Variants in COL5A2 observed in about 807,000 individuals in gnomAD.
COL5A2 encodes collagen type V alpha 2 chain, also known as collagen alpha-2(V) chain.
Under a neutral mutation model 208.2 loss-of-function variants are expected in COL5A2, and 23 were observed. The observed-to-expected ratio is 0.11, with a 90% confidence interval of 0.08 to 0.16. The LOEUF (loss-of-function observed/expected upper bound fraction) is 0.16, where lower values mean the gene tolerates loss of function less well. Among genes scored for constraint, COL5A2 ranks in the 10% least tolerant of loss-of-function variants. The pLI, the probability that COL5A2 is intolerant of heterozygous loss-of-function variation, is 1.00. For synonymous variants in COL5A2, 625 were observed against 628.5 expected (o/e 0.99, Z 0.08); for missense variants, 1,590 against 1,956.4 (o/e 0.81, Z 3.53).
At chr2:189,115,404 G>A (rs1481409938) in intron 1 of COL5A2, among the ~76,000 whole-genome samples, 10 of 143,880 alleles carry the variant, frequency 7.0e-5, no homozygotes, top group Non-Finnish European at 1.4e-4. Flanking sequence ...TACACCTGTG[G>A]GGGAAAAAAA....
At chr2:189,366,632 C>T in the COL5A2 span, among the ~76,000 whole-genome samples, 1 of 151,734 alleles carries the variant, frequency 6.6e-6, no homozygotes, top group African/African-American at 2.4e-5. Context: ...TGTGGGTGTG[C>T]TTGTGGGTGT....
At chr2:189,046,633 C>T (rs1046774017) in intron 45 of COL5A2, among the ~76,000 whole-genome samples, 2 of 152,016 alleles carry the variant, frequency 1.3e-5, no homozygotes, top group East Asian at 1.9e-4. Context: ...GTGAGATAAG[C>T]GTTATATGAA....
At position 189,068,995 on chromosome 2, in the gene COL5A2, G is replaced by T. The variant is rs952532523; in HGVS notation, c.1159-111C>A. The T allele has an allele frequency of 1.1e-5, 9 of 785,406 alleles. No homozygotes were observed. In the African/African-American group the frequency reaches 1.5e-4, roughly 13 times the overall value. The allele number at this position is 785,406 out of a possible 1,614,324, so 48.7% of individuals were successfully genotyped here. On this transcript the variant is annotated intron_variant, in intron 18 of 53. Coordinates refer to ENST00000374866, the MANE Select transcript of COL5A2 (RefSeq NM_000393.5). The stretch of plus-strand genomic sequence containing the variant: ...ATTTGAAACCCAAATACTGAAAGAG[G>T]CCAAAGAGGATTACAAGAGATGCGT...
At chr2:189,369,508 C>T in the COL5A2 span, among the ~76,000 whole-genome samples, 1 of 151,968 alleles carries the variant, frequency 6.6e-6, no homozygotes, top group Non-Finnish European at 1.5e-5. Context: ...GAGTTTGATA[C>T]ATTCGTTTTC....
chr2:189,318,173 C>A, the COL5A2 span, among the ~76,000 whole-genome samples: 3 of 152,196 alleles, frequency 2.0e-5, no homozygotes, highest in African/African-American at 7.2e-5. Context: ...TGGTCCCACT[C>A]AGGGCTGACT....
At chr2:189,080,167 T>G (rs1686499842) in intron 13 of COL5A2, 136 bp from the exon 14 acceptor site, 2 of 685,664 alleles carry the variant, frequency 2.9e-6, no homozygotes, top group Admixed American at 2.7e-5. Context: ...CAAAATACTT[T>G]CAAATTCTCA....
the COL5A2 span, among the ~76,000 whole-genome samples, chr2:189,371,246 T>G: frequency 1.3e-5 from 2 of 152,176 alleles, no homozygotes; most frequent in African/African-American, 4.8e-5. Flanking sequence ...CCAAATAAAC[T>G]TCTTTTCTTT....
chr2:189,395,302 G>A, the COL5A2 span, among the ~76,000 whole-genome samples: 1 of 152,076 alleles, frequency 6.6e-6, no homozygotes, highest in Non-Finnish European at 1.5e-5. Flanking sequence ...AGATTTATAG[G>A]AAAATGCATA....
At chr2:189,175,015 G>A (rs551110924) in intron 1 of COL5A2, among the ~76,000 whole-genome samples, 294 of 152,264 alleles carry the variant, frequency 1.9e-3, no homozygotes, top group Admixed American at 3.8e-3. Context: ...AGTGGATCTA[G>A]TCACACAACT....
At chr2:189,285,479 T>C in the COL5A2 span, among the ~76,000 whole-genome samples, 18,226 of 152,080 alleles carry the variant, frequency 0.12, 1,636 homozygotes, top group African/African-American at 0.25. Flanking sequence ...TATTATTTCA[T>C]TGGGTGCTCA....
intron 2 of COL5A2, among the ~76,000 whole-genome samples, chr2:189,106,572 G>T (rs72908318): frequency 0.14 from 20,831 of 150,614 alleles, 1,426 homozygotes; most frequent in Middle Eastern, 0.19. Context: ...TCTTTTTAGA[G>T]TTTTGAAACC....
At chr2:189,250,814 T>TC in the COL5A2 span, among the ~76,000 whole-genome samples, 1 of 152,160 alleles carries the variant, frequency 6.6e-6, no homozygotes, top group East Asian at 1.9e-4. Context: ...ACAACCCTAC[T>TC]CCCCCATAGA....
chr2:189,400,835 C>T, the COL5A2 span, among the ~76,000 whole-genome samples: 486 of 152,156 alleles, frequency 3.2e-3, 2 homozygotes, highest in African/African-American at 0.011. Flanking sequence ...ATAAACTGCA[C>T]GTGTAAAGGG....
chr2:189,291,302 G>A, the COL5A2 span, among the ~76,000 whole-genome samples: 35 of 152,106 alleles, frequency 2.3e-4, no homozygotes, highest in East Asian at 1.9e-3. Context: ...TTAAAGTTTC[G>A]CTGCCGGTTT....
chr2:189,199,690 C>G (rs1298695297), intron 1 of COL5A2, among the ~76,000 whole-genome samples: 3 of 152,134 alleles, frequency 2.0e-5, no homozygotes, highest in Admixed American at 6.5e-5. Flanking sequence ...AAGTCAGAAC[C>G]CTAAGAATCC....
At chr2:189,424,559 T>C in the COL5A2 span, among the ~76,000 whole-genome samples, 4 of 151,918 alleles carry the variant, frequency 2.6e-5, no homozygotes, top group Admixed American at 2.6e-4. Flanking sequence ...AGAAAACAAT[T>C]CCACTTATAG....
chr2:189,319,600 C>T, the COL5A2 span, among the ~76,000 whole-genome samples: 1 of 152,258 alleles, frequency 6.6e-6, no homozygotes, highest in Non-Finnish European at 1.5e-5. Flanking sequence ...AACTGCAAGG[C>T]AGCAGCCAGG....
chr2:189,289,780 C>A, the COL5A2 span, among the ~76,000 whole-genome samples: 748 of 152,168 alleles, frequency 4.9e-3, 9 homozygotes, highest in African/African-American at 0.017. Context: ...TCAATCAATC[C>A]AGCCTCATTT....
the COL5A2 span, among the ~76,000 whole-genome samples, chr2:189,434,528 C>G: frequency 2.0e-5 from 3 of 152,152 alleles, no homozygotes; most frequent in East Asian, 5.8e-4. Flanking sequence ...CATTCTTATA[C>G]ACCAATAACA....
Sources: allele counts gnomAD v4.1 joint callset (sites outside exome capture counted in the v4.1 genomes callset), GRCh38; gene constraint gnomAD v4.1.1; transcripts MANE v1.5; gene names NCBI Gene and HGNC (gene_info 2026-07-23, HGNC 2026-07-21).